Variants in SLC6A6 observed in about 807,000 individuals in gnomAD.
The protein encoded by SLC6A6 is solute carrier family 6 member 6.
Under a neutral mutation model 68.8 loss-of-function variants are expected in SLC6A6, and 16 were observed. That is an observed-to-expected ratio of 0.23 (90% CI 0.16 to 0.35). SLC6A6 has a LOEUF of 0.35. Among genes scored for constraint, SLC6A6 ranks in the 10% least tolerant of loss-of-function variants. SLC6A6 has a pLI of 1.00. For missense variants in SLC6A6, 474 were observed against 802.8 expected, an observed-to-expected ratio of 0.59 and a Z score of 4.95; for synonymous variants, 312 against 315.4, an observed-to-expected ratio of 0.99 and a Z score of 0.12.
At chr3:14,435,239 G>A (rs1162244800) in intron 2 of SLC6A6, among the ~76,000 whole-genome samples, 1 of 152,182 alleles carries the variant, frequency 6.6e-6, no homozygotes, top group African/African-American at 2.4e-5. Flanking sequence ...CCTTCTCTGA[G>A]CCTCAGTCTC....
At chr3:14,412,866 C>T (rs1056073819) in intron 1 of SLC6A6, among the ~76,000 whole-genome samples, 1 of 152,230 alleles carries the variant, frequency 6.6e-6, no homozygotes, top group East Asian at 1.9e-4. Flanking sequence ...CATGAAGACC[C>T]GAGGCCCTGC....
chr3:14,456,962 C>T (rs935226770), intron 5 of SLC6A6, among the ~76,000 whole-genome samples: 6 of 152,214 alleles, frequency 3.9e-5, no homozygotes, highest in Non-Finnish European at 7.3e-5. Context: ...TGGCTGTCCT[C>T]GATCACTGTT....
rs764944951 is a variant in SLC6A6 at position 14,468,007 on chromosome 3, TGTTTAA to T, written c.971+52_971+57del. ...TGGACTTTAGAAATGATGATGATGATGTTTAAAGAAAAAGAGAAGTAGGGAGCGTGG... is the reference window on the plus strand; with the variant it reads ...TGGACTTTAGAAATGATGATGATGATAGAAAAAGAGAAGTAGGGAGCGTGG... On this transcript the variant is annotated intron_variant, in intron 8 of 14. Coordinates refer to ENST00000622186, the MANE Select transcript of SLC6A6 (RefSeq NM_003043.6). This position sits in a 1 kb window ranked among gnomAD's most constrained non-coding sequence, Gnocchi z 4.5. The T allele has an allele frequency of 6.2e-7, 1 of 1,608,540 alleles. No homozygotes were observed. The highest frequency in any genetic ancestry group is 1.1e-5 in the South Asian group (1 of 90,918).
At chr3:14,428,668 AC>A (rs910462371) in intron 2 of SLC6A6, among the ~76,000 whole-genome samples, 8 of 151,948 alleles carry the variant, frequency 5.3e-5, no homozygotes, top group Admixed American at 5.2e-4. Flanking sequence ...GACATTTGGG[AC>A]CCTGCACCTC....
intron 4 of SLC6A6, among the ~76,000 whole-genome samples, chr3:14,446,603 A>T (rs1700126756): frequency 7.0e-6 from 1 of 142,334 alleles, no homozygotes; most frequent in African/African-American, 2.4e-5. Context: ...TGCAGCAGAT[A>T]AACATTCAGG....
chr3:14,478,871 C>G, intron 12 of SLC6A6: 1 of 596,022 alleles, frequency 1.7e-6, no homozygotes, highest in Non-Finnish European at 3.0e-6. Context: ...GATTGCACAC[C>G]TAGGGTTTGG....
intron 2 of SLC6A6, among the ~76,000 whole-genome samples, chr3:14,433,858 C>T (rs1699790727): frequency 7.3e-6 from 1 of 136,862 alleles, no homozygotes; most frequent in African/African-American, 2.7e-5. Flanking sequence ...AAAAACCCAA[C>T]ATGGGCCCTT....
chr3:14,408,800 G>GTT (rs201663995), intron 1 of SLC6A6, among the ~76,000 whole-genome samples: 7 of 146,480 alleles, frequency 4.8e-5, no homozygotes, highest in Non-Finnish European at 1.1e-4. Context: ...GTTTTGTTTT[G>GTT]TTTTTTTTTT....
intron 12 of SLC6A6, 41 bp downstream of exon 12, chr3:14,478,609 T>A: frequency 8.0e-7 from 1 of 1,244,220 alleles, no homozygotes; most frequent in Non-Finnish European, 1.2e-6. Flanking sequence ...AAGGCTCTCC[T>A]TTGGGCTTCT....
In SLC6A6 at chr3:14,484,951, G is replaced by C. The variant is rs200861169; in HGVS notation, c.1807G>C (p.Val603Leu). 3 of 1,613,026 alleles carry C rather than the reference G, an allele frequency of 1.9e-6. No individual in the cohort carries two copies. The highest frequency in any genetic ancestry group is 2.5e-6 in the Non-Finnish European group (3 of 1,179,936). ...EGATPYNSRTVMNGALVKPTH... is the reference protein window; with the variant it reads ...EGATPYNSRTLMNGALVKPTH... ...AGCCACACCTTACAACTCTCGCACC[G>C]TCATGAACGGCGCTCTCGTGAAACC... The change falls in exon 15 of 15, where the codon GTC becomes CTC. Residue 603 changes from valine (V) to leucine (L), a missense_variant. Val to Leu is a conservative substitution (Grantham distance 32). Coordinates refer to ENST00000622186, the MANE Select transcript of SLC6A6 (RefSeq NM_003043.6).
At chr3:14,437,905 G>A (rs1699894596) in intron 2 of SLC6A6, among the ~76,000 whole-genome samples, 2 of 151,616 alleles carry the variant, frequency 1.3e-5, no homozygotes, top group South Asian at 2.1e-4. Flanking sequence ...TTGGCTCACT[G>A]CAGTGTCCGC....
Position 14,470,470 on chromosome 3 carries a change from CTCTCT to C in SLC6A6, c.1097-1733_1097-1729del, listed in dbSNP as rs552513997. 1.7e-3 allele frequency among the ~76,000 whole-genome samples: 259 copies of C among 152,344 alleles called. 2 individuals carry two copies. Among genetic ancestry groups the C allele is most frequent in the African/African-American group, 5.8e-3 (243 of 41,574 alleles). Reference sequence around the variant, plus strand: ...GCTGGATTATGTCTCCTGGACTTCTCTCTCTTGAGTTCACCATGCACTTTTAGAGA... The same window carrying C: ...GCTGGATTATGTCTCCTGGACTTCTCTGAGTTCACCATGCACTTTTAGAGA... On this transcript the variant is annotated intron_variant, in intron 9 of 14. Transcript: ENST00000622186.
intron 2 of SLC6A6, among the ~76,000 whole-genome samples, chr3:14,434,811 G>A (rs1017092118): frequency 3.9e-5 from 6 of 152,108 alleles, no homozygotes; most frequent in Non-Finnish European, 8.8e-5. Flanking sequence ...CCTGCAACTG[G>A]CACGGTGGCA....
At chr3:14,462,049 C>T (rs1375532102) in intron 6 of SLC6A6, among the ~76,000 whole-genome samples, 2 of 152,220 alleles carry the variant, frequency 1.3e-5, no homozygotes, top group South Asian at 2.1e-4. Context: ...AGAGGAGCCA[C>T]GGAGGTTCAC....
chr3:14,482,680 G>T (rs974367341), intron 14 of SLC6A6, among the ~76,000 whole-genome samples: 1 of 152,156 alleles, frequency 6.6e-6, no homozygotes, highest in South Asian at 2.1e-4. Context: ...TGGTGCTGGT[G>T]GCAGGGGAGG....
At position 14,439,753 on chromosome 3, in the gene SLC6A6, T is replaced by TTG. The variant is rs1036954825; in HGVS notation, c.-11-3860_-11-3859dup. Among the ~76,000 whole-genome samples, 12 of 152,086 alleles carry TTG rather than the reference T, an allele frequency of 7.9e-5. 1 individual carries two copies. The highest frequency in any genetic ancestry group is 6.8e-3 in the Middle Eastern group (2 of 294). On this transcript the variant is annotated intron_variant, in intron 2 of 14. Coordinates refer to ENST00000622186, the MANE Select transcript of SLC6A6 (RefSeq NM_003043.6). ...ACTCACTGCGCAGCGGGGTGACCAC[T>TTG]TGTGTGTGTGTGAGGAAGCTGGGGT...
At chr3:14,447,901 C>T (rs1700166342) in intron 5 of SLC6A6, 85 bp downstream of exon 5, 5 of 1,558,194 alleles carry the variant, frequency 3.2e-6, no homozygotes, top group Middle Eastern at 3.4e-4. Flanking sequence ...CCCTGGGATA[C>T]AGGAGCCACT....
At chr3:14,469,697 G>C (rs562922090) in intron 9 of SLC6A6, among the ~76,000 whole-genome samples, 1 of 152,226 alleles carries the variant, frequency 6.6e-6, no homozygotes, top group East Asian at 1.9e-4. Context: ...ACAACCTCTG[G>C]CCCTTCCAGT....
chr3:14,442,391 G>C (rs907832638), intron 2 of SLC6A6, among the ~76,000 whole-genome samples: 5 of 152,204 alleles, frequency 3.3e-5, no homozygotes, highest in African/African-American at 1.2e-4. Flanking sequence ...AGTAGGCCTA[G>C]TAGCTCTGGT....
Sources: gnomAD v4.1 joint callset for allele counts (sites outside exome capture counted in the v4.1 genomes callset) on GRCh38, gnomAD v4.1.1 for gene constraint, Gnocchi (gnomAD v3.1) non-coding constraint, MANE v1.5 for transcripts, NCBI Gene and HGNC (gene_info 2026-07-23, HGNC 2026-07-21) for gene names.